Variants in OCM observed in about 807,000 individuals in gnomAD.
OCM encodes the protein oncomodulin.
In OCM, 18 loss-of-function variants were observed where a neutral mutation model predicts 14.1. The observed-to-expected ratio is 1.28, with a 90% CI of 0.88 to 1.89. The LOEUF (loss-of-function observed/expected upper bound fraction) is 1.89. Among genes scored for constraint, OCM ranks in the 40% most tolerant of loss-of-function variants. OCM has a pLI of 0.00. For missense variants in OCM, 140 were observed against 137.6 expected, an observed-to-expected ratio of 1.02 and a Z score of -0.09; for synonymous variants, 48 against 51.0, an observed-to-expected ratio of 0.94 and a Z score of 0.25.
chr7:5,878,664 G>A (rs1391274450), upstream of OCM, among the ~76,000 whole-genome samples: 4 of 151,296 alleles, frequency 2.6e-5, no homozygotes, highest in Non-Finnish European at 4.4e-5. Flanking sequence ...AGAGAATGGC[G>A]TGAACCCAGG....
At chr7:5,862,011 T>C in the OCM span, among the ~76,000 whole-genome samples, 6 of 152,266 alleles carry the variant, frequency 3.9e-5, no homozygotes, top group African/African-American at 1.4e-4. Flanking sequence ...GTGATCCTCC[T>C]GCGTCAGCCT....
intron 2 of OCM, 26 bp from the exon 3 acceptor site, chr7:5,883,864 C>A (rs1310050059): frequency 1.2e-6 from 2 of 1,611,814 alleles, no homozygotes; most frequent in East Asian, 4.5e-5. Context: ...TTTTGAAAAT[C>A]CCCATGGATC....
At chr7:5,881,159 A>G (rs549530095) in intron 1 of OCM, among the ~76,000 whole-genome samples, 1 of 152,034 alleles carries the variant, frequency 6.6e-6, no homozygotes, top group African/African-American at 2.4e-5. Flanking sequence ...TCTACTAAAA[A>G]TACAAAAAAA....
the OCM span, among the ~76,000 whole-genome samples, chr7:5,865,174 G>A: frequency 3.4e-5 from 5 of 146,172 alleles, no homozygotes; most frequent in South Asian, 2.1e-4. Flanking sequence ...GGCCAGCGTC[G>A]GGGCCGACGA....
upstream of OCM, among the ~76,000 whole-genome samples, chr7:5,880,234 G>T (rs1297683730): frequency 1.3e-5 from 2 of 152,178 alleles, no homozygotes; most frequent in Admixed American, 1.3e-4. Context: ...GAAAATGCCA[G>T]TGCATGTGTA....
upstream of OCM, among the ~76,000 whole-genome samples, chr7:5,876,107 G>C (rs1052304415): frequency 1.3e-5 from 2 of 152,082 alleles, no homozygotes; most frequent in African/African-American, 4.8e-5. Flanking sequence ...CAGGTTCTAA[G>C]TGATCCTCCT....
the OCM span, among the ~76,000 whole-genome samples, chr7:5,869,563 A>G: frequency 1.3e-5 from 2 of 152,074 alleles, no homozygotes; most frequent in South Asian, 2.1e-4. Flanking sequence ...GCACCACTGC[A>G]CTCCAGCCAT....
chr7:5,875,258 C>T (rs1401709332), upstream of OCM, among the ~76,000 whole-genome samples: 1 of 151,758 alleles, frequency 6.6e-6, no homozygotes, highest in Non-Finnish European at 1.5e-5. Flanking sequence ...CGTTTCGCCA[C>T]GTTGGCCAGA....
the OCM span, among the ~76,000 whole-genome samples, chr7:5,861,163 T>C: frequency 1.3e-5 from 2 of 152,132 alleles, no homozygotes; most frequent in African/African-American, 4.8e-5. Flanking sequence ...GGCTCACGCC[T>C]GTAATCCCAG....
the OCM span, among the ~76,000 whole-genome samples, chr7:5,869,505 G>A: frequency 1.1e-3 from 162 of 152,270 alleles, 1 homozygote; most frequent in African/African-American, 3.8e-3. Flanking sequence ...GGGTGAGACA[G>A]AAGAATCACT....
At chr7:5,862,532 C>G in the OCM span, among the ~76,000 whole-genome samples, 2 of 152,172 alleles carry the variant, frequency 1.3e-5, no homozygotes, top group African/African-American at 2.4e-5. Flanking sequence ...AGGACAAGAT[C>G]GTAAATCATC....
chr7:5,869,361 G>A, the OCM span, among the ~76,000 whole-genome samples: 2 of 152,228 alleles, frequency 1.3e-5, no homozygotes, highest in Middle Eastern at 3.4e-3. Context: ...ACTTTGGGAG[G>A]CCGAGGCAGG....
chr7:5,872,499 C>T, the OCM span, among the ~76,000 whole-genome samples: 5 of 152,286 alleles, frequency 3.3e-5, no homozygotes, highest in African/African-American at 1.2e-4. Flanking sequence ...CCATCCCCCA[C>T]GTCACCACAC....
intron 3 of OCM, 51 bp from the exon 4 acceptor site, chr7:5,886,013 T>TAAAG (rs1475932438): frequency 6.2e-7 from 1 of 1,613,816 alleles, no homozygotes; most frequent in Non-Finnish European, 8.5e-7. Context: ...GGCACGTCTG[T>TAAAG]AAAGAACCAA....
the OCM span, among the ~76,000 whole-genome samples, chr7:5,866,964 T>C: frequency 6.6e-6 from 1 of 152,230 alleles, no homozygotes; most frequent in African/African-American, 2.4e-5. Context: ...TGTTTCACTT[T>C]ACAATATGTG....
chr7:5,860,420 AT>A, the OCM span, among the ~76,000 whole-genome samples: 1 of 143,206 alleles, frequency 7.0e-6, no homozygotes, highest in Admixed American at 7.5e-5. Flanking sequence ...GTATATATAT[AT>A]TACGTATATA....
upstream of OCM, among the ~76,000 whole-genome samples, chr7:5,875,493 A>G (rs1214557602): frequency 6.6e-6 from 1 of 151,972 alleles, no homozygotes; most frequent in African/African-American, 2.4e-5. Context: ...TTCTACAGAG[A>G]ATGGGAGTGT....
the OCM span, among the ~76,000 whole-genome samples, chr7:5,864,757 C>G: frequency 6.6e-6 from 1 of 151,798 alleles, no homozygotes; most frequent in Non-Finnish European, 1.5e-5. Flanking sequence ...GAGTTTGAGA[C>G]CAGCAACCCC....
At chr7:5,862,458 C>T in the OCM span, among the ~76,000 whole-genome samples, 1 of 152,124 alleles carries the variant, frequency 6.6e-6, no homozygotes, top group African/African-American at 2.4e-5. Context: ...GCCCTAAAAG[C>T]AAGTTCTGTT....
Sources: gnomAD v4.1 joint callset for allele counts (sites outside exome capture counted in the v4.1 genomes callset) on GRCh38, gnomAD v4.1.1 for gene constraint, MANE v1.5 for transcripts, NCBI Gene and HGNC (gene_info 2026-07-23, HGNC 2026-07-21) for gene names.